DOP1A: variants seen among roughly 807,000 people sequenced by gnomAD.
DOP1A encodes protein DOP1A.
Under a neutral mutation model 267.6 loss-of-function variants are expected in DOP1A, and 90 were observed. That is an observed-to-expected ratio of 0.34 (90% CI 0.28 to 0.40). The LOEUF (loss-of-function observed/expected upper bound fraction) is 0.40, where lower values mean the gene tolerates loss of function less well. Among genes scored for constraint, DOP1A ranks in the 10% least tolerant of loss-of-function variants. The probability of loss-of-function intolerance (pLI) is 1.00; values close to 1 mark genes in which losing one functional copy is unlikely to be tolerated. For missense variants in DOP1A, 2,437 were observed against 2,900.4 expected, an observed-to-expected ratio of 0.84 and a Z score of 3.67; for synonymous variants, 932 against 999.1, an observed-to-expected ratio of 0.93 and a Z score of 1.27.
In DOP1A at chr6:83,132,259, A is replaced by G; in HGVS notation, c.2700A>G (p.Leu900=). 1 of 1,613,868 alleles carries G rather than the reference A, an allele frequency of 6.2e-7. No homozygotes were observed. The highest frequency in any genetic ancestry group is 8.5e-7 in the Non-Finnish European group (1 of 1,179,836). The change falls in exon 18 of 39, where the codon TTA becomes TTG. Residue 900 remains leucine, a synonymous_variant. Coordinates refer to ENST00000349129, the MANE Select transcript of DOP1A (RefSeq NM_015018.4). ...HQKSVELFYQ[L]HNLVPSSSIC... Reference sequence around the variant, plus strand: ...AGAGTGTGGAACTATTTTATCAATTACATAACTTAGTTCCTTCTTCTAGCA... The same window carrying G: ...AGAGTGTGGAACTATTTTATCAATTGCATAACTTAGTTCCTTCTTCTAGCA...
At chr6:83,160,212 AGTCCAGGG>A (rs1478399273) in intron 37 of DOP1A, among the ~76,000 whole-genome samples, 2 of 152,312 alleles carry the variant, frequency 1.3e-5, no homozygotes, top group East Asian at 3.9e-4. Context: ...ACATGCTTCA[AGTCCAGGG>A]AAGGAGACAT....
At chr6:83,107,619 G>A (rs1773861297) in intron 4 of DOP1A, among the ~76,000 whole-genome samples, 1 of 152,198 alleles carries the variant, frequency 6.6e-6, no homozygotes, top group South Asian at 2.1e-4. Flanking sequence ...AATGATAAGT[G>A]TTTTAGTAAG....
In DOP1A at chr6:83,154,037, T is replaced by A; in HGVS notation, c.6383T>A (p.Val2128Asp). 6.2e-7 allele frequency: 1 copy of A among 1,613,988 alleles called. No individual in the cohort carries two copies. Among genetic ancestry groups the A allele is most frequent in the Non-Finnish European group, 8.5e-7 (1 of 1,179,972 alleles). ...PSFFQMDASCVNHWRAIMDNL... is the reference protein window; with the variant it reads ...PSFFQMDASCDNHWRAIMDNL... ...TTCTTTCAGATGGATGCCTCTTGTG[T>A]TAATCAGTAAGTTGCCCTCTTATTT... The change falls in exon 32 of 39, where the codon GTT (valine) becomes GAT (aspartate). Residue 2128 changes from valine (V) to aspartate (D), a missense_variant. By Grantham distance (152) the Val-to-Asp change is radical. Transcript: ENST00000349129.
chr6:83,155,913 G>A, intron 33 of DOP1A, 38 bp from the exon 34 acceptor site: 3 of 1,588,674 alleles, frequency 1.9e-6, no homozygotes, highest in Non-Finnish European at 2.6e-6. Context: ...TCTTTCTTCA[G>A]ATGACAGTGT....
intron 16 of DOP1A, 125 bp downstream of exon 16, chr6:83,129,633 G>GT: frequency 3.1e-6 from 3 of 955,712 alleles, no homozygotes; most frequent in Non-Finnish European, 4.2e-6. Context: ...TAATTTGCAA[G>GT]TTTTTTTAAA....
At chr6:83,105,883 T>G (rs1008507744) in intron 4 of DOP1A, among the ~76,000 whole-genome samples, 6 of 152,210 alleles carry the variant, frequency 3.9e-5, no homozygotes. Context: ...AGCAACACAG[T>G]TATTCTTCAG....
chr6:83,163,415 G>A (rs1242581740), intron 38 of DOP1A, among the ~76,000 whole-genome samples: 1 of 152,148 alleles, frequency 6.6e-6, no homozygotes, highest in Non-Finnish European at 1.5e-5. Flanking sequence ...CAATGGGTAA[G>A]AAGATTATAC....
rs1369801685 is a variant in DOP1A, at chr6:83,110,208, G to A, written c.575G>A (p.Ser192Asn). The change falls in exon 6 of 39, where the codon AGT becomes AAT. Residue 192 changes from serine (S) to asparagine (N), a missense_variant. Physicochemically the swap from Ser to Asn is conservative, Grantham distance 46 (BLOSUM62 1). Transcript: ENST00000349129. ...YSALWGSLLT[S>N]PAVRLPGITY... Reference sequence around the variant, plus strand: ...GCCCTGTGGGGTAGTCTTCTCACCAGTCCTGCTGTGCGTTTACCTGGAATC... The same window carrying A: ...GCCCTGTGGGGTAGTCTTCTCACCAATCCTGCTGTGCGTTTACCTGGAATC... The A allele has an allele frequency of 2.5e-6, 4 of 1,614,044 alleles. No homozygotes were observed. The highest frequency in any genetic ancestry group is 3.4e-6 in the Non-Finnish European group (4 of 1,179,944).
At chr6:83,076,825 G>A (rs893810378) in intron 1 of DOP1A, among the ~76,000 whole-genome samples, 2 of 152,204 alleles carry the variant, frequency 1.3e-5, no homozygotes, top group Non-Finnish European at 2.9e-5. Flanking sequence ...CACCCATGTT[G>A]ATAGCAGCAC....
Position 83,137,167 on chromosome 6 carries a change from T to C in DOP1A, c.3131-6T>C. On this transcript the variant is annotated splice_polypyrimidine_tract_variant and splice_region_variant and intron_variant, in intron 20 of 38. Transcript: ENST00000349129. Reference sequence around the variant, plus strand: ...TTCTTCTTTTACTGTTTTTCTCATATATCAGTGAGCCAAGTACAACTCATC... The same window carrying C: ...TTCTTCTTTTACTGTTTTTCTCATACATCAGTGAGCCAAGTACAACTCATC... 6.6e-7 allele frequency: 1 copy of C among 1,524,386 alleles called. No homozygotes were observed. Among genetic ancestry groups the C allele is most frequent in the African/African-American group, 1.4e-5 (1 of 71,864 alleles). The allele number at this position is 1,524,386 out of a possible 1,614,324, so 94.4% of individuals were successfully genotyped here. A position where few individuals can be genotyped will look rare whatever the true frequency, so the allele number is the denominator to read the frequency against.
chr6:83,138,785 A>G lies in DOP1A; in HGVS notation c.4743A>G (p.Gln1581=), dbSNP rs150172793. The change falls in exon 21 of 39, where the codon CAA becomes CAG. Residue 1581 remains glutamine (Q), a synonymous_variant. Transcript: ENST00000349129. ...ACAATGGCAGCACGTTGCAGTCACA[A>G]CTTCTTAAGGTGCTTCAGAGGCTGA... ...EFDNGSTLQS[Q]LLKVLQRLIV... 3 of 1,614,014 alleles carry G rather than the reference A, an allele frequency of 1.9e-6. No homozygotes were observed. The highest frequency in any genetic ancestry group is 2.7e-5 in the African/African-American group (2 of 75,036).
At chr6:83,084,716 G>A (rs1367650261) in intron 1 of DOP1A, among the ~76,000 whole-genome samples, 1 of 151,716 alleles carries the variant, frequency 6.6e-6, no homozygotes, top group Non-Finnish European at 1.5e-5. Flanking sequence ...CCAAGAGGCT[G>A]GGATTACAGG....
intron 1 of DOP1A, among the ~76,000 whole-genome samples, chr6:83,084,344 G>A (rs1310886490): frequency 6.6e-6 from 1 of 151,394 alleles, no homozygotes; most frequent in Non-Finnish European, 1.5e-5. Context: ...ATGTGTAGTA[G>A]GGTTTACCAT....
intron 29 of DOP1A, 58 bp from the exon 30 acceptor site, chr6:83,152,230 A>T: frequency 2.0e-6 from 2 of 976,102 alleles, no homozygotes; most frequent in South Asian, 1.6e-5. Context: ...ACACACACAC[A>T]CATAAAATTT....
chr6:83,162,964 T>C (rs906169295), intron 38 of DOP1A, 45 bp downstream of exon 38: 4 of 1,571,466 alleles, frequency 2.5e-6, no homozygotes, highest in African/African-American at 2.7e-5. Flanking sequence ...TCACTACATG[T>C]TGCATTAGTG....
At chr6:83,155,814 C>T (rs1782677856) in intron 33 of DOP1A, 137 bp from the exon 34 acceptor site, 1 of 992,314 alleles carries the variant, frequency 1.0e-6, no homozygotes, top group Non-Finnish European at 1.4e-6. Context: ...CTGTCTGCCC[C>T]AGAGAGGGGC....
chr6:83,135,540 CAG>C (rs1778750673), intron 19 of DOP1A, 77 bp from the exon 20 acceptor site: 3 of 1,405,686 alleles, frequency 2.1e-6, no homozygotes, highest in South Asian at 1.5e-5. Flanking sequence ...AAATAAGAAA[CAG>C]AATTTATTAA....
intron 38 of DOP1A, chr6:83,165,295 AAAT>A (rs1785207918): frequency 2.0e-5 from 3 of 152,548 alleles, no homozygotes; most frequent in Admixed American, 6.5e-5. Flanking sequence ...ACTGGAAGCT[AAAT>A]AATTGCTAGG....
At position 83,153,620 on chromosome 6, in the gene DOP1A, G is replaced by A; in HGVS notation, c.6239G>A (p.Ser2080Asn). The A allele has an allele frequency of 6.4e-7, 1 of 1,574,204 alleles. No individual in the cohort carries two copies. The highest frequency in any genetic ancestry group is 8.6e-7 in the Non-Finnish European group (1 of 1,158,826). ...HYVVPYLRNH[S>N]AHNAPSYRAC... ...GTTGTGCCCTACCTCAGAAATCACA[G>A]GTACTATCATTATTTAAATAGTTTT... is the stretch of plus-strand genomic sequence containing the variant. Residue 2080 changes from serine to asparagine, a missense_variant and splice_region_variant, in exon 31 of 39, where the codon AGT becomes AAT. By Grantham distance (46) the Ser-to-Asn change is conservative. Coordinates refer to ENST00000349129, the MANE Select transcript of DOP1A (RefSeq NM_015018.4).
Sources: allele counts gnomAD v4.1 joint callset (sites outside exome capture counted in the v4.1 genomes callset), GRCh38; gene constraint gnomAD v4.1.1; transcripts MANE v1.5; gene names NCBI Gene and HGNC (gene_info 2026-07-23, HGNC 2026-07-21).